The following OGA variants were observed in gnomAD, a reference collection of about 807,000 sequenced individuals.
OGA encodes O-GlcNAcase.
OGA carries 21 observed loss-of-function variants against 102.0 expected under a neutral mutation model. The observed-to-expected ratio is 0.21, with a 90% CI of 0.15 to 0.30. The LOEUF is 0.30. Ranked by LOEUF, OGA falls within the 10% of genes least tolerant of loss-of-function variation. The pLI is 1.00. For synonymous variants in OGA, 408 were observed against 378.2 expected (o/e 1.08, Z -0.91); for missense variants, 765 against 1,107.8 (o/e 0.69, Z 4.39).
intron 7 of OGA, among the ~76,000 whole-genome samples, chr10:101,802,969 T>A (rs1485511864): frequency 2.3e-5 from 3 of 131,708 alleles, no homozygotes; most frequent in Non-Finnish European, 3.2e-5. Flanking sequence ...TGAAACCCTG[T>A]CTCTACTTTA....
intron 1 of OGA, among the ~76,000 whole-genome samples, chr10:101,817,158 C>A (rs2065640681): frequency 6.6e-6 from 1 of 152,148 alleles, no homozygotes; most frequent in African/African-American, 2.4e-5. Flanking sequence ...GGAAAAAAGG[C>A]GAGAAGGGCA....
intron 1 of OGA, among the ~76,000 whole-genome samples, chr10:101,816,458 T>G (rs1294661808): frequency 2.0e-5 from 3 of 152,208 alleles, no homozygotes; most frequent in East Asian, 1.9e-4. Context: ...TTTTCTCCTT[T>G]TATAACTGAA....
chr10:101,817,073 T>G (rs2065637948), intron 1 of OGA, among the ~76,000 whole-genome samples: 1 of 152,220 alleles, frequency 6.6e-6, no homozygotes, highest in East Asian at 1.9e-4. Context: ...TCCATTCTCA[T>G]CCAGAAACTG....
intron 14 of OGA, chr10:101,787,812 G>C: frequency 7.5e-6 from 2 of 265,086 alleles, no homozygotes; most frequent in South Asian, 1.3e-4. Context: ...GGCTGGTCTC[G>C]AATTCCTGGG....
At chr10:101,804,949 C>T (rs943086548) in intron 6 of OGA, among the ~76,000 whole-genome samples, 7 of 152,088 alleles carry the variant, frequency 4.6e-5, no homozygotes, top group Middle Eastern at 3.4e-3. Flanking sequence ...TTATTTTTTT[C>T]GTTTTATAAA....
chr10:101,810,093 T>C, intron 4 of OGA, 91 bp downstream of exon 4: 1 of 1,214,160 alleles, frequency 8.2e-7, no homozygotes. Context: ...AAATAGGAAT[T>C]TGATTTCCTT....
In OGA at chr10:101,800,460, A is replaced by G. The variant is rs1279953719; in HGVS notation, c.1037-60T>C. 4.5e-6 allele frequency: 6 copies of G among 1,345,122 alleles called. No individual in the cohort carries two copies. The East Asian group carries it at 1.4e-4, about 31-fold the overall frequency. The allele number at this position is 1,345,122 out of a possible 1,614,324, so 83.3% of individuals were successfully genotyped here. ...TTTTGATTACAAAAGCCTTCTGACA[A>G]GTGAGAAGAATAAATGCAACTAGTT... On this transcript the variant is annotated intron_variant, in intron 7 of 15. Coordinates refer to ENST00000361464, the MANE Select transcript of OGA (RefSeq NM_012215.5).
Position 101,785,359 on chromosome 10 carries a change from C to G in OGA, c.*1092G>C, listed in dbSNP as rs908173342. 2 of 152,490 alleles carry G rather than the reference C, an allele frequency of 1.3e-5. No homozygotes were observed. The highest frequency in any genetic ancestry group is 4.8e-5 in the African/African-American group (2 of 41,462). 9.4% of individuals were successfully genotyped at this position (152,490 alleles called of 1,614,324 possible). A position where few individuals can be genotyped will look rare whatever the true frequency, so the allele number is the denominator to read the frequency against. On this transcript the variant is annotated 3_prime_UTR_variant, in exon 16 of 16. Transcript: ENST00000361464. ...TACAAACATGCAAGAATTAAAGACT[C>G]TGATTTAATAAAATCAGTAGTAACA...
Position 101,786,434 on chromosome 10 carries a change from C to T in OGA, c.*17G>A, listed in dbSNP as rs779408774. On this transcript the variant is annotated 3_prime_UTR_variant, in exon 16 of 16. Transcript: ENST00000361464. The stretch of plus-strand genomic sequence containing the variant: ...GCAGTTAAGAGACTTTTGGACAGTT[C>T]ACAGTGTCAACAAATGTCACAGGCT... The T allele has an allele frequency of 1.9e-6, 3 of 1,598,104 alleles. No individual in the cohort carries two copies. The highest frequency in any genetic ancestry group is 2.3e-5 in the South Asian group (2 of 86,926).
chr10:101,802,777 C>G (rs968419972), intron 7 of OGA, among the ~76,000 whole-genome samples: 4 of 151,778 alleles, frequency 2.6e-5, no homozygotes, highest in African/African-American at 9.7e-5. Flanking sequence ...AAGCACCTTA[C>G]TTAGAACTCT....
chr10:101,787,038 T>A (rs1419286493), intron 15 of OGA, among the ~76,000 whole-genome samples: 2 of 143,454 alleles, frequency 1.4e-5, no homozygotes, highest in African/African-American at 2.5e-5. Context: ...TGCCCGGCCT[T>A]TTTTTTTTTT....
rs1401336687 is a variant in OGA, at chr10:101,798,894, C to T, written c.1757G>A (p.Arg586Gln). 9.3e-6 allele frequency: 15 copies of T among 1,613,968 alleles called. No individual in the cohort carries two copies. Among genetic ancestry groups the T allele is most frequent in the Non-Finnish European group, 1.2e-5 (14 of 1,180,022 alleles). The change falls in exon 9 of 16, where the codon CGA (arginine) becomes CAA (glutamine). Residue 586 changes from arginine to glutamine, a missense_variant. This residue lies in a region of OGA where 281 missense variants were observed against 345.8 expected (regional missense o/e 0.81). Coordinates refer to ENST00000361464, the MANE Select transcript of OGA (RefSeq NM_012215.5). ...AQMLREFQWL[R>Q]ANSSVVSVNC... ...GACACTGACAACACTACTATTTGCT[C>T]GAAGCCATTGAAATTCCCGTAACAT...
intron 7 of OGA, 137 bp from the exon 8 acceptor site, chr10:101,800,537 A>G (rs34332143): frequency 1.5e-6 from 1 of 663,182 alleles, no homozygotes; most frequent in Non-Finnish European, 2.5e-6. Flanking sequence ...AACCTTAAAC[A>G]TAAAAATTCA....
chr10:101,794,358 TA>T (rs2065292173), intron 10 of OGA, among the ~76,000 whole-genome samples: 2 of 152,320 alleles, frequency 1.3e-5, no homozygotes, highest in African/African-American at 4.8e-5. Flanking sequence ...AAATGACTGA[TA>T]ATTAGACACT....
At chr10:101,791,173 T>TACAC in intron 13 of OGA, 85 bp from the exon 14 acceptor site, 1 of 1,409,050 alleles carries the variant, frequency 7.1e-7, no homozygotes, top group Non-Finnish European at 9.7e-7. Context: ...CCACTGTACT[T>TACAC]GCATGAACTT....
chr10:101,808,282 A>T (rs1486041231), intron 4 of OGA, among the ~76,000 whole-genome samples: 1 of 152,222 alleles, frequency 6.6e-6, no homozygotes, highest in Non-Finnish European at 1.5e-5. Flanking sequence ...AAAGAGTTTC[A>T]TATTTTGGAA....
At chr10:101,794,042 ATTTCC>A in intron 10 of OGA, 44 bp from the exon 11 acceptor site, 1 of 1,425,370 alleles carries the variant, frequency 7.0e-7, no homozygotes, top group Non-Finnish European at 9.9e-7. Flanking sequence ...GAGAAAGGGG[ATTTCC>A]TGGGGTCTCA....
intron 8 of OGA, among the ~76,000 whole-genome samples, chr10:101,799,805 C>T (rs2065365414): frequency 6.6e-6 from 1 of 152,138 alleles, no homozygotes; most frequent in Non-Finnish European, 1.5e-5. Flanking sequence ...ATTTAAAAAT[C>T]CTTATTCTCT....
chr10:101,787,608 A>T (rs946528730), intron 14 of OGA, 85 bp from the exon 15 acceptor site: 3 of 1,076,818 alleles, frequency 2.8e-6, no homozygotes, highest in Admixed American at 2.1e-5. Flanking sequence ...ACAAGAAAGC[A>T]ATATTTAATA....
Sources: gnomAD v4.1 joint callset for allele counts (sites outside exome capture counted in the v4.1 genomes callset) on GRCh38, gnomAD v4.1.1 for gene constraint, gnomAD v4.1.1 regional missense constraint, MANE v1.5 for transcripts, NCBI Gene and HGNC (gene_info 2026-07-23, HGNC 2026-07-21) for gene names.